CTNND2: variants seen among roughly 807,000 people sequenced by gnomAD.
CTNND2 encodes the protein catenin delta 2.
A neutral mutation model predicts 144.4 loss-of-function variants in CTNND2; 22 were observed. That is an observed-to-expected ratio of 0.15 (90% CI 0.11 to 0.22). CTNND2 has a LOEUF of 0.22. Ranked by LOEUF, CTNND2 falls within the 10% of genes least tolerant of loss-of-function variation. The pLI, the probability that CTNND2 is intolerant of heterozygous loss-of-function variation, is 1.00. For missense variants in CTNND2, 1,353 were observed against 1,618.8 expected, an observed-to-expected ratio of 0.84 and a Z score of 2.82; for synonymous variants, 751 against 695.6, an observed-to-expected ratio of 1.08 and a Z score of -1.25.
At chr5:11,215,613 A>G (rs1171645969) in intron 10 of CTNND2, among the ~76,000 whole-genome samples, 1 of 152,254 alleles carries the variant, frequency 6.6e-6, no homozygotes, top group Admixed American at 6.5e-5. Context: ...AATAAGGAAG[A>G]TTATTCATAA....
chr5:10,990,308 A>C (rs1276188005), intron 19 of CTNND2, among the ~76,000 whole-genome samples: 1 of 152,166 alleles, frequency 6.6e-6, no homozygotes, highest in East Asian at 1.9e-4. Flanking sequence ...GTGTCGTATG[A>C]AGATTGGGGT....
intron 11 of CTNND2, among the ~76,000 whole-genome samples, chr5:11,162,063 T>A (rs571902689): frequency 6.7e-6 from 1 of 149,570 alleles, no homozygotes; most frequent in East Asian, 2.3e-4. Flanking sequence ...GGCAGGAGAA[T>A]TGCTTGAACC....
chr5:11,624,845 C>G (rs2126443314), intron 2 of CTNND2, among the ~76,000 whole-genome samples: 1 of 152,092 alleles, frequency 6.6e-6, no homozygotes, highest in East Asian at 1.9e-4. Context: ...CTGTACCTAC[C>G]TATACATTTA....
chr5:11,808,745 C>T (rs1314006594), intron 1 of CTNND2, among the ~76,000 whole-genome samples: 1 of 152,184 alleles, frequency 6.6e-6, no homozygotes, highest in Non-Finnish European at 1.5e-5. Context: ...CTACATTTTC[C>T]TAACACAGTA....
intron 16 of CTNND2, among the ~76,000 whole-genome samples, chr5:11,040,387 G>A (rs1201028041): frequency 6.6e-6 from 1 of 152,208 alleles, no homozygotes; most frequent in Admixed American, 6.5e-5. Context: ...AACATTGAAT[G>A]AGGCAGAATC....
chr5:11,655,578 T>A (rs1581675819), intron 2 of CTNND2, among the ~76,000 whole-genome samples: 2 of 152,112 alleles, frequency 1.3e-5, no homozygotes, highest in Admixed American at 6.6e-5. Context: ...CCAGAATAAA[T>A]TATATTAATA....
At chr5:11,296,254 A>G (rs1461172462) in intron 9 of CTNND2, among the ~76,000 whole-genome samples, 1 of 152,130 alleles carries the variant, frequency 6.6e-6, no homozygotes, top group Admixed American at 6.5e-5. Flanking sequence ...ACTGGCCATC[A>G]GAGAAATGCA....
intron 3 of CTNND2, among the ~76,000 whole-genome samples, chr5:11,545,722 TA>T (rs1775182914): frequency 1.7e-5 from 2 of 118,454 alleles, no homozygotes; most frequent in Admixed American, 1.7e-4. Context: ...ACATTAAACA[TA>T]AAGTGACCAA....
At chr5:11,079,023 G>T (rs1179729416) in intron 16 of CTNND2, among the ~76,000 whole-genome samples, 2 of 152,200 alleles carry the variant, frequency 1.3e-5, no homozygotes. Context: ...AAATATTATG[G>T]TTTTTCTTGG....
At chr5:11,621,455 T>G (rs917639383) in intron 2 of CTNND2, among the ~76,000 whole-genome samples, 1 of 152,156 alleles carries the variant, frequency 6.6e-6, no homozygotes, top group Non-Finnish European at 1.5e-5. Context: ...TATATTATAT[T>G]AGAGGTTTTT....
At chr5:11,799,244 G>A (rs1791555724) in intron 1 of CTNND2, among the ~76,000 whole-genome samples, 1 of 152,088 alleles carries the variant, frequency 6.6e-6, no homozygotes, top group South Asian at 2.1e-4. Context: ...TACTTCACTG[G>A]TGTAGTTTCC....
chr5:11,444,358 G>A lies in CTNND2; in HGVS notation c.288-32289C>T, dbSNP rs908216130. Among the ~76,000 whole-genome samples, 37 of 152,156 alleles carry A rather than the reference G, an allele frequency of 2.4e-4. 1 individual carries two copies. Among genetic ancestry groups the A allele is most frequent in the Non-Finnish European group, 3.4e-4 (23 of 68,000 alleles). On this transcript the variant is annotated intron_variant, in intron 3 of 21. Coordinates refer to ENST00000304623, the MANE Select transcript of CTNND2 (RefSeq NM_001332.4). ...ACAATTGCAGGCTTCAATGAGCCACGAAAAAACAAATGTGTAACCTCACAT... is the reference window on the plus strand; with the variant it reads ...ACAATTGCAGGCTTCAATGAGCCACAAAAAAACAAATGTGTAACCTCACAT...
chr5:11,084,324 A>T (rs186088362), intron 15 of CTNND2, among the ~76,000 whole-genome samples: 1 of 152,274 alleles, frequency 6.6e-6, no homozygotes, highest in East Asian at 1.9e-4. Context: ...CCATCGATGC[A>T]TTTAACCGAC....
At chr5:11,282,143 A>C (rs1461849450) in intron 9 of CTNND2, among the ~76,000 whole-genome samples, 1 of 152,110 alleles carries the variant, frequency 6.6e-6, no homozygotes, top group Non-Finnish European at 1.5e-5. Flanking sequence ...TTGGTTGTCA[A>C]CGGGGCATTC....
At chr5:11,372,971 C>A (rs1377553939) in intron 7 of CTNND2, among the ~76,000 whole-genome samples, 2 of 152,198 alleles carry the variant, frequency 1.3e-5, no homozygotes, top group Non-Finnish European at 2.9e-5. Context: ...GCCCAGCACT[C>A]CTGCTTTGTT....
At chr5:11,821,729 CTA>C (rs1443366148) in intron 1 of CTNND2, among the ~76,000 whole-genome samples, 2 of 151,850 alleles carry the variant, frequency 1.3e-5, no homozygotes, top group South Asian at 4.2e-4. Context: ...TGGCAATGGC[CTA>C]AAATCAGTAT....
rs556897662 is a variant in CTNND2, at chr5:11,417,325, A to G, written c.288-5256T>C. ...CAGTCATACATTTGGCTACATCAAAAGTAAAACCTTATGTGACTAAAAAAC... is the reference window on the plus strand; with the variant it reads ...CAGTCATACATTTGGCTACATCAAAGGTAAAACCTTATGTGACTAAAAAAC... On this transcript the variant is annotated intron_variant, in intron 3 of 21. Transcript: ENST00000304623. 7.2e-5 allele frequency among the ~76,000 whole-genome samples: 11 copies of G among 152,326 alleles called. No individual in the cohort carries two copies. In the East Asian group the frequency reaches 1.9e-3, roughly 27 times the overall value.
intron 2 of CTNND2, among the ~76,000 whole-genome samples, chr5:11,658,122 T>A (rs376124731): frequency 1.7e-4 from 26 of 152,174 alleles, no homozygotes; most frequent in Non-Finnish European, 3.2e-4. Context: ...TGAAAACCTA[T>A]ATTCAAATTA....
chr5:11,073,053 A>G (rs892543786), intron 16 of CTNND2, among the ~76,000 whole-genome samples: 11 of 152,344 alleles, frequency 7.2e-5, no homozygotes, highest in African/African-American at 2.6e-4. Flanking sequence ...AGTATAATAA[A>G]TATAATCAAA....
Sources: allele counts gnomAD v4.1 joint callset (sites outside exome capture counted in the v4.1 genomes callset), GRCh38; gene constraint gnomAD v4.1.1; transcripts MANE v1.5; gene names NCBI Gene and HGNC (gene_info 2026-07-23, HGNC 2026-07-21).